The following SULT1B1 variants were observed in gnomAD, a reference collection of about 807,000 sequenced individuals.
The protein encoded by SULT1B1 is sulfotransferase 1B1.
SULT1B1 carries 28 observed loss-of-function variants against 34.6 expected under a neutral mutation model. The ratio of observed to expected loss-of-function variants is 0.81; its 90% CI spans 0.60 to 1.11. The LOEUF is 1.11. SULT1B1 is among the 50% of genes least tolerant of loss of function. SULT1B1 has a pLI of 0.00. For synonymous variants in SULT1B1, 147 were observed against 110.2 expected, an observed-to-expected ratio of 1.33 and a Z score of -2.09; for missense variants, 374 against 352.2, an observed-to-expected ratio of 1.06 and a Z score of -0.50.
At chr4:69,739,288 C>T (rs13130539) in intron 4 of SULT1B1, among the ~76,000 whole-genome samples, 2 of 152,050 alleles carry the variant, frequency 1.3e-5, no homozygotes, top group African/African-American at 4.8e-5. Flanking sequence ...TCCATGAGAG[C>T]TCCGCCCATG....
In SULT1B1 at chr4:69,722,809, A is replaced by C. The variant is rs182151591; in HGVS notation, c.*4279T>G. 9.9e-5 allele frequency: 15 copies of C among 152,054 alleles called. No individual in the cohort carries two copies. The highest frequency in any genetic ancestry group is 3.6e-4 in the African/African-American group (15 of 41,384). 9.4% of individuals were successfully genotyped at this position (152,054 alleles called of 1,614,324 possible). A position where few individuals can be genotyped will look rare whatever the true frequency, so the allele number is the denominator to read the frequency against. ...AGTCAAAATACGATAAGCCATAGCTACCTCAGTTGTGGCTCAGAAAGTCTA... is the reference window on the plus strand; with the variant it reads ...AGTCAAAATACGATAAGCCATAGCTCCCTCAGTTGTGGCTCAGAAAGTCTA... On this transcript the variant is annotated 3_prime_UTR_variant, in exon 8 of 8. Transcript: ENST00000310613.
chr4:69,750,772 C>T lies in SULT1B1; in HGVS notation c.278-954G>A, dbSNP rs182508664. On this transcript the variant is annotated intron_variant, in intron 3 of 7. Transcript: ENST00000310613. ...GTATGTCCCCATGTCCCTTCCCCAA[C>T]CTCACTCCTAAACTTAGACTAAAAT... Among the ~76,000 whole-genome samples, 14 of 152,252 alleles carry T rather than the reference C, an allele frequency of 9.2e-5. No individual in the cohort carries two copies. The East Asian group carries it at 2.3e-3, about 25-fold the overall frequency.
In SULT1B1 at chr4:69,725,383, A is replaced by C. The variant is rs1473038254; in HGVS notation, c.*1705T>G. 1 of 151,962 alleles carries C rather than the reference A, an allele frequency of 6.6e-6. No homozygotes were observed. Among genetic ancestry groups the C allele is most frequent in the Non-Finnish European group, 1.5e-5 (1 of 67,942 alleles). The allele number at this position is 151,962 out of a possible 1,614,324, so 9.4% of individuals were successfully genotyped here. A position where few individuals can be genotyped will look rare whatever the true frequency, so the allele number is the denominator to read the frequency against. On this transcript the variant is annotated 3_prime_UTR_variant, in exon 8 of 8. Coordinates refer to ENST00000310613, the MANE Select transcript of SULT1B1 (RefSeq NM_014465.4). ...AAGTCAGGAAACAACAGGTGCTGGAAAGGATGTGGAGAAATAGGAACACTT... is the reference window on the plus strand; with the variant it reads ...AAGTCAGGAAACAACAGGTGCTGGACAGGATGTGGAGAAATAGGAACACTT...
intron 5 of SULT1B1, 100 bp from the exon 6 acceptor site, chr4:69,733,607 C>A: frequency 3.6e-6 from 3 of 844,268 alleles, no homozygotes; most frequent in Non-Finnish European, 3.5e-6. Flanking sequence ...AATTTAGTAA[C>A]CAAAGGAAGT....
chr4:69,737,283 A>G (rs1052834057), intron 4 of SULT1B1, among the ~76,000 whole-genome samples: 2 of 152,192 alleles, frequency 1.3e-5, no homozygotes, highest in Admixed American at 1.3e-4. Context: ...GAAAAAAGAC[A>G]TTCTCAGAAA....
chr4:69,752,703 G>A lies in SULT1B1; in HGVS notation c.277+1967C>T, dbSNP rs1049010561. Reference sequence around the variant, plus strand: ...GGACTGACATCTTGCCAGTTGATCCGTCTCTGCCTACGGAAGTAACTAGTT... The same window carrying A: ...GGACTGACATCTTGCCAGTTGATCCATCTCTGCCTACGGAAGTAACTAGTT... On this transcript the variant is annotated intron_variant, in intron 3 of 7. Transcript: ENST00000310613. Among the ~76,000 whole-genome samples, 36 of 152,214 alleles carry A rather than the reference G, an allele frequency of 2.4e-4. 1 individual carries two copies. The highest frequency in any genetic ancestry group is 8.0e-4 in the African/African-American group (33 of 41,450).
intron 3 of SULT1B1, among the ~76,000 whole-genome samples, chr4:69,753,544 TC>T (rs1334246999): frequency 1.3e-5 from 2 of 152,198 alleles, no homozygotes; most frequent in African/African-American, 4.8e-5. Flanking sequence ...TTGTTTTGCA[TC>T]CCACTTTTTC....
intron 4 of SULT1B1, among the ~76,000 whole-genome samples, chr4:69,736,392 C>A (rs1435641869): frequency 6.6e-6 from 1 of 152,112 alleles, no homozygotes; most frequent in African/African-American, 2.4e-5. Flanking sequence ...TGCCACCCTT[C>A]CCCAGACTCC....
rs376042584 is a variant in SULT1B1, at chr4:69,731,303, T to C, written c.598-622A>G. 7.9e-5 allele frequency among the ~76,000 whole-genome samples: 12 copies of C among 152,306 alleles called. No homozygotes were observed. The East Asian group carries it at 1.5e-3, about 20-fold the overall frequency. ...GAATTGAGTATGTGAGGGATCTAAG[T>C]TGCACACTCCTTATGAGAATCTAAC... On this transcript the variant is annotated intron_variant, in intron 6 of 7. Transcript: ENST00000310613.
At chr4:69,734,358 A>ACTCTG in intron 4 of SULT1B1, 94 bp from the exon 5 acceptor site, 1 of 1,374,374 alleles carries the variant, frequency 7.3e-7, no homozygotes, top group Non-Finnish European at 9.7e-7. Flanking sequence ...AAAGCAGAGT[A>ACTCTG]CTTTTTCAAA....
intron 3 of SULT1B1, among the ~76,000 whole-genome samples, chr4:69,752,728 T>C (rs1310698247): frequency 6.6e-6 from 1 of 152,206 alleles, no homozygotes; most frequent in Non-Finnish European, 1.5e-5. Flanking sequence ...AGTAACTAGT[T>C]CAGTCAGCCT....
At chr4:69,753,586 C>G (rs936753612) in intron 3 of SULT1B1, among the ~76,000 whole-genome samples, 3 of 152,124 alleles carry the variant, frequency 2.0e-5, no homozygotes, top group Admixed American at 2.0e-4. Context: ...AGTCTCCGGA[C>G]TATATCAAGA....
chr4:69,734,300 G>C (rs781301839), intron 4 of SULT1B1, 36 bp from the exon 5 acceptor site: 1 of 1,588,836 alleles, frequency 6.3e-7, no homozygotes, highest in Admixed American at 1.8e-5. Context: ...AAAAAAATAA[G>C]ATAAAAGACA....
chr4:69,727,297 A>G, intron 7 of SULT1B1, 97 bp from the exon 8 acceptor site: 1 of 754,780 alleles, frequency 1.3e-6, no homozygotes, highest in Non-Finnish European at 1.9e-6. Context: ...CTAAAGAAAG[A>G]CCTTCCTTTT....
rs1717736753 is a variant in SULT1B1, at chr4:69,724,178, C to T, written c.*2910G>A. On this transcript the variant is annotated 3_prime_UTR_variant, in exon 8 of 8. Coordinates refer to ENST00000310613, the MANE Select transcript of SULT1B1 (RefSeq NM_014465.4). Reference sequence around the variant, plus strand: ...AGCTGATAAGCAACTTCAGCAAAGTCTCAGGATACAAAATCAATGTACAAA... The same window carrying T: ...AGCTGATAAGCAACTTCAGCAAAGTTTCAGGATACAAAATCAATGTACAAA... 1.3e-5 allele frequency: 2 copies of T among 152,168 alleles called. No individual in the cohort carries two copies. The highest frequency in any genetic ancestry group is 4.8e-5 in the African/African-American group (2 of 41,448). 9.4% of individuals were successfully genotyped at this position (152,168 alleles called of 1,614,324 possible).
At chr4:69,732,629 T>G (rs1718127641) in intron 6 of SULT1B1, among the ~76,000 whole-genome samples, 1 of 151,868 alleles carries the variant, frequency 6.6e-6, no homozygotes, top group Admixed American at 6.6e-5. Context: ...TCAACATGTT[T>G]ACCTGTTGTG....
At chr4:69,733,351 T>C in intron 6 of SULT1B1, 62 bp downstream of exon 6, 1 of 1,207,384 alleles carries the variant, frequency 8.3e-7, no homozygotes, top group Non-Finnish European at 1.2e-6. Flanking sequence ...AAAGCAAATA[T>C]CAACCCTTTT....
chr4:69,760,371 G>A (rs1267234420), intron 1 of SULT1B1, 88 bp downstream of exon 1: 1 of 217,198 alleles, frequency 4.6e-6, no homozygotes, highest in Non-Finnish European at 7.8e-6. Context: ...TATAAAATAT[G>A]TTCAAAACAG....
At chr4:69,734,828 C>CT (rs71604563) in intron 4 of SULT1B1, among the ~76,000 whole-genome samples, 16,561 of 135,556 alleles carry the variant, frequency 0.12, 1,517 homozygotes, top group East Asian at 0.46. Flanking sequence ...CTTCGCTACT[C>CT]TTTTTTTTTT....
Sources: allele counts gnomAD v4.1 joint callset (sites outside exome capture counted in the v4.1 genomes callset), GRCh38; gene constraint gnomAD v4.1.1; transcripts MANE v1.5; gene names NCBI Gene and HGNC (gene_info 2026-07-23, HGNC 2026-07-21).